Variants in NREP observed in about 807,000 individuals in gnomAD.
NREP encodes the protein neuronal regeneration-related protein.
NREP carries 5 observed loss-of-function variants against 8.6 expected under a neutral mutation model. The ratio of observed to expected loss-of-function variants is 0.58; its 90% CI spans 0.30 to 1.22. NREP has a LOEUF of 1.22. Among genes scored for constraint, NREP ranks in the 50% most tolerant of loss-of-function variants. The pLI, the probability that NREP is intolerant of heterozygous loss-of-function variation, is 0.07. For synonymous variants in NREP, 27 were observed against 28.0 expected (o/e 0.96, Z 0.11); for missense variants, 86 against 82.5 (o/e 1.04, Z -0.17).
intron 2 of NREP, among the ~76,000 whole-genome samples, chr5:111,906,976 C>A (rs1366918204): frequency 6.6e-6 from 1 of 151,994 alleles, no homozygotes; most frequent in African/African-American, 2.4e-5. Flanking sequence ...GTGTTGTTGT[C>A]CAGACAGGGT....
At position 111,809,650 on chromosome 5, in the gene NREP, G is replaced by A. The variant is rs939776902; in HGVS notation, c.136-74143C>T. Among the ~76,000 whole-genome samples the A allele has an allele frequency of 3.3e-5, 5 of 152,152 alleles. 1 individual carries two copies. Among genetic ancestry groups the A allele is most frequent in the South Asian group, 4.2e-4 (2 of 4,804 alleles). ...CACTTCCCCTTTGACCTTCTCCACC[G>A]TGTTATGATGCAGCACAGTAAGCCC... On this transcript the variant is annotated intron_variant, in intron 2 of 3. Transcript: ENST00000395634.
At chr5:111,945,112 G>A (rs557127757) in intron 2 of NREP, among the ~76,000 whole-genome samples, 51 of 151,946 alleles carry the variant, frequency 3.4e-4, no homozygotes, top group African/African-American at 1.0e-3. Context: ...CCCTCTTCAC[G>A]CACTCACTTC....
chr5:111,963,220 C>T (rs1474987045), intron 2 of NREP, among the ~76,000 whole-genome samples: 1 of 152,216 alleles, frequency 6.6e-6, no homozygotes, highest in African/African-American at 2.4e-5. Context: ...CTCCTGCCAG[C>T]GCCCAAAGCA....
intron 2 of NREP, among the ~76,000 whole-genome samples, chr5:111,895,173 G>T (rs1309175832): frequency 6.6e-6 from 1 of 152,212 alleles, no homozygotes. Context: ...TGTGTGAAAT[G>T]AATATCCTCA....
At chr5:111,878,895 C>T (rs910812075) in intron 2 of NREP, among the ~76,000 whole-genome samples, 3 of 151,312 alleles carry the variant, frequency 2.0e-5, no homozygotes, top group African/African-American at 4.8e-5. Context: ...TGTAATTACT[C>T]ATTCAGCGAA....
At chr5:111,952,273 G>C (rs575320651) in intron 2 of NREP, among the ~76,000 whole-genome samples, 1 of 152,244 alleles carries the variant, frequency 6.6e-6, no homozygotes, top group South Asian at 2.1e-4. Flanking sequence ...CCTAAGGCCA[G>C]CCAGTTAGGC....
At chr5:111,757,779 G>C, upstream of NREP, 1 of 977,176 alleles carries the variant, frequency 1.0e-6, no homozygotes, top group Non-Finnish European at 1.2e-6. Flanking sequence ...CCCCGCCCCC[G>C]GCCAGCCTCT....
intron 2 of NREP, among the ~76,000 whole-genome samples, chr5:111,920,618 T>C (rs1430152332): frequency 6.6e-6 from 1 of 152,070 alleles, no homozygotes; most frequent in African/African-American, 2.4e-5. Flanking sequence ...CATTTTACAG[T>C]GAAATGTAAG....
chr5:111,862,507 G>C (rs1018181946), intron 2 of NREP, among the ~76,000 whole-genome samples: 2 of 152,100 alleles, frequency 1.3e-5, no homozygotes, highest in Non-Finnish European at 2.9e-5. Context: ...AATATTGGGA[G>C]GTTGAGGGAT....
chr5:111,734,676 T>C (rs1342551327), intron 3 of NREP: 2 of 694,462 alleles, frequency 2.9e-6, no homozygotes, highest in East Asian at 5.4e-5. Flanking sequence ...TCACCGTTAG[T>C]CAATTACACT....
At chr5:111,857,987 G>T (rs1753462455) in intron 2 of NREP, among the ~76,000 whole-genome samples, 1 of 151,476 alleles carries the variant, frequency 6.6e-6, no homozygotes, top group African/African-American at 2.4e-5. Flanking sequence ...GACCCATTCA[G>T]TCCTCTGCTA....
rs1465824650 is a variant in NREP at position 111,730,890 on chromosome 5, A to G, written c.*31T>C. On this transcript the variant is annotated 3_prime_UTR_variant, in exon 4 of 4. Coordinates refer to ENST00000257435, the MANE Select transcript of NREP (RefSeq NM_004772.4). Reference sequence around the variant, plus strand: ...ACCATGACCTCATCAATACCCATACACCATATGTAATACAAATGGAGGTGT... The same window carrying G: ...ACCATGACCTCATCAATACCCATACGCCATATGTAATACAAATGGAGGTGT... 6.2e-7 allele frequency: 1 copy of G among 1,611,582 alleles called. No individual in the cohort carries two copies. The highest frequency in any genetic ancestry group is 1.1e-5 in the South Asian group (1 of 91,004).
chr5:111,799,409 T>C (rs1043375047), intron 2 of NREP, among the ~76,000 whole-genome samples: 7 of 152,252 alleles, frequency 4.6e-5, no homozygotes, highest in Non-Finnish European at 8.8e-5. Flanking sequence ...GCATGGGATG[T>C]GTTTGTTTCC....
At chr5:111,745,119 A>T (rs1202955733) in intron 2 of NREP, among the ~76,000 whole-genome samples, 1 of 152,156 alleles carries the variant, frequency 6.6e-6, no homozygotes, top group Non-Finnish European at 1.5e-5. Flanking sequence ...GCACTCATTT[A>T]ATCTTCACAA....
intron 3 of NREP, chr5:111,733,801 C>T (rs1748840779): frequency 6.6e-6 from 1 of 152,146 alleles, no homozygotes; most frequent in African/African-American, 2.4e-5. Context: ...TCCTGAAAGT[C>T]ACGCCAGTTA....
intron 2 of NREP, among the ~76,000 whole-genome samples, chr5:111,958,704 T>TA (rs924528511): frequency 2.0e-5 from 3 of 151,820 alleles, no homozygotes; most frequent in Admixed American, 1.3e-4. Flanking sequence ...ATTCAACATT[T>TA]AAAAAAAATT....
chr5:111,964,583 T>TG (rs1358835370), intron 2 of NREP, among the ~76,000 whole-genome samples: 2 of 152,034 alleles, frequency 1.3e-5, no homozygotes, highest in Non-Finnish European at 2.9e-5. Context: ...TTGGCCAGGC[T>TG]GGTCTAGTAC....
chr5:111,889,680 G>A (rs1754347179), intron 2 of NREP, among the ~76,000 whole-genome samples: 1 of 152,136 alleles, frequency 6.6e-6, no homozygotes, highest in African/African-American at 2.4e-5. Flanking sequence ...AGATATAATG[G>A]GGGTACTGTC....
chr5:111,929,074 TCTC>T (rs779876576), intron 2 of NREP, among the ~76,000 whole-genome samples: 6 of 152,128 alleles, frequency 3.9e-5, no homozygotes, highest in South Asian at 2.1e-4. Flanking sequence ...GTAACACTCT[TCTC>T]CTCCTTATCC....
Sources: allele counts gnomAD v4.1 joint callset (sites outside exome capture counted in the v4.1 genomes callset), GRCh38; gene constraint gnomAD v4.1.1; transcripts MANE v1.5; gene names NCBI Gene and HGNC (gene_info 2026-07-23, HGNC 2026-07-21).